AFF3: variants seen among roughly 807,000 people sequenced by gnomAD.
The protein encoded by AFF3 is AF4/FMR2 family member 3.
A neutral mutation model predicts 129.7 loss-of-function variants in AFF3; 32 were observed. That is an observed-to-expected ratio of 0.25 (90% confidence interval 0.19 to 0.33). AFF3 has a LOEUF of 0.33. Ranked by LOEUF, AFF3 falls within the 10% of genes least tolerant of loss-of-function variation. The probability of loss-of-function intolerance (pLI) is 1.00; values close to 1 mark genes in which losing one functional copy is unlikely to be tolerated. For synonymous variants in AFF3, 644 were observed against 635.4 expected (o/e 1.01, Z -0.20); for missense variants, 1,373 against 1,592.0 (o/e 0.86, Z 2.34).
intron 8 of AFF3, among the ~76,000 whole-genome samples, chr2:99,775,112 G>C (rs563189977): frequency 1.3e-5 from 2 of 152,320 alleles, no homozygotes; most frequent in East Asian, 3.9e-4. Context: ...ATGTCGTGGA[G>C]AAGAAGGAAT....
intron 7 of AFF3, among the ~76,000 whole-genome samples, chr2:99,840,241 C>T (rs1037583819): frequency 5.9e-5 from 9 of 152,110 alleles, no homozygotes; most frequent in African/African-American, 2.2e-4. Flanking sequence ...GAAACCATTG[C>T]TAAATTCAAG....
rs903672469 is a variant in AFF3 at position 99,891,065 on chromosome 2, T to C, written c.874-53541A>G. Among the ~76,000 whole-genome samples the C allele has an allele frequency of 2.4e-4, 37 of 152,112 alleles. 1 individual carries two copies. The highest frequency in any genetic ancestry group is 2.4e-3 in the Admixed American group (37 of 15,272). On this transcript the variant is annotated intron_variant, in intron 7 of 24. Transcript: ENST00000672756. Reference sequence around the variant, plus strand: ...CACACAGGGAAGCACCAAGGTCAGCTGGGAGGTAGAGGGAGCCAGGGAGAA... The same window carrying C: ...CACACAGGGAAGCACCAAGGTCAGCCGGGAGGTAGAGGGAGCCAGGGAGAA...
At chr2:99,574,433 C>T (rs926095646) in intron 18 of AFF3, among the ~76,000 whole-genome samples, 1 of 152,120 alleles carries the variant, frequency 6.6e-6, no homozygotes, top group Admixed American at 6.5e-5. Flanking sequence ...GGATTACAGG[C>T]ACATGCTAAC....
At chr2:99,661,777 T>C (rs1465649624) in intron 12 of AFF3, among the ~76,000 whole-genome samples, 1 of 152,232 alleles carries the variant, frequency 6.6e-6, no homozygotes, top group Non-Finnish European at 1.5e-5. Flanking sequence ...CAAATGTTTA[T>C]AAAGAGTGGC....
At chr2:99,993,621 C>G (rs1680558250) in intron 7 of AFF3, among the ~76,000 whole-genome samples, 1 of 151,364 alleles carries the variant, frequency 6.6e-6, no homozygotes, top group Admixed American at 6.6e-5. Flanking sequence ...CTTCAAAATA[C>G]AAGAAAGGCT....
chr2:99,765,263 AT>A (rs1682915095), intron 8 of AFF3, among the ~76,000 whole-genome samples: 1 of 152,228 alleles, frequency 6.6e-6, no homozygotes, highest in African/African-American at 2.4e-5. Flanking sequence ...AAATGGCATT[AT>A]TTGGGACAGA....
intron 22 of AFF3, among the ~76,000 whole-genome samples, chr2:99,556,318 G>A (rs1054766541): frequency 2.6e-5 from 4 of 152,168 alleles, no homozygotes; most frequent in African/African-American, 7.2e-5. Flanking sequence ...GGTGGCACAC[G>A]CCTGTAATCC....
chr2:100,099,249 G>A (rs1179058913), intron 4 of AFF3, among the ~76,000 whole-genome samples: 1 of 151,710 alleles, frequency 6.6e-6, no homozygotes, highest in Non-Finnish European at 1.5e-5. Flanking sequence ...GCAGCTGGAG[G>A]AAAGGGTTAG....
intron 12 of AFF3, among the ~76,000 whole-genome samples, chr2:99,664,640 A>C (rs1686522304): frequency 6.6e-6 from 1 of 152,214 alleles, no homozygotes; most frequent in Non-Finnish European, 1.5e-5. Context: ...AACTCATTTG[A>C]AAAATCATAG....
intron 15 of AFF3, among the ~76,000 whole-genome samples, chr2:99,588,988 A>G (rs772154286): frequency 1.3e-5 from 2 of 152,252 alleles, no homozygotes; most frequent in African/African-American, 2.4e-5. Context: ...AAAAATGGCC[A>G]TAAGTAATAC....
chr2:100,105,621 G>C, intron 2 of AFF3, 38 bp from the exon 3 acceptor site: 1 of 1,338,358 alleles, frequency 7.5e-7, no homozygotes, highest in Non-Finnish European at 9.9e-7. Flanking sequence ...GGCTCCTAAA[G>C]AGTAATAATA....
chr2:99,814,117 G>A (rs367618029), intron 8 of AFF3, among the ~76,000 whole-genome samples: 4 of 152,178 alleles, frequency 2.6e-5, no homozygotes, highest in African/African-American at 9.6e-5. Flanking sequence ...AACTTTCTTG[G>A]GGGAAAGTTG....
chr2:99,903,749 C>G (rs1466618562), intron 7 of AFF3, among the ~76,000 whole-genome samples: 1 of 152,048 alleles, frequency 6.6e-6, no homozygotes, highest in Non-Finnish European at 1.5e-5. Context: ...TACTAGACAC[C>G]CTATAGGCTT....
chr2:99,688,828 T>G (rs1262615143), intron 11 of AFF3, among the ~76,000 whole-genome samples: 1 of 152,172 alleles, frequency 6.6e-6, no homozygotes, highest in Non-Finnish European at 1.5e-5. Flanking sequence ...GCTCATATTT[T>G]ATCTCACGGG....
intron 2 of AFF3, among the ~76,000 whole-genome samples, chr2:100,126,128 T>C (rs954732407): frequency 2.3e-4 from 35 of 152,198 alleles, no homozygotes; most frequent in African/African-American, 8.0e-4. Context: ...CCTGTGCTTA[T>C]TGCATGAGGC....
chr2:99,982,633 C>T (rs1187639602), intron 7 of AFF3, among the ~76,000 whole-genome samples: 1 of 152,210 alleles, frequency 6.6e-6, no homozygotes, highest in Non-Finnish European at 1.5e-5. Context: ...GGCATGCTCA[C>T]TACTGGAAAC....
intron 4 of AFF3, among the ~76,000 whole-genome samples, chr2:100,058,959 G>A (rs1412184447): frequency 1.3e-5 from 2 of 152,156 alleles, no homozygotes; most frequent in South Asian, 4.2e-4. Flanking sequence ...TTTAAAATGA[G>A]CAAACATTCT....
At chr2:99,941,217 G>A (rs1675010559) in intron 7 of AFF3, among the ~76,000 whole-genome samples, 1 of 152,132 alleles carries the variant, frequency 6.6e-6, no homozygotes, top group Non-Finnish European at 1.5e-5. Context: ...GAGTTTCTCT[G>A]GCAAACAGTC....
intron 7 of AFF3, among the ~76,000 whole-genome samples, chr2:99,914,720 C>CCTGGCCAAAA (rs1441499638): frequency 6.6e-5 from 10 of 151,692 alleles, no homozygotes; most frequent in African/African-American, 2.4e-4. Flanking sequence ...TTGAAACCAG[C>CCTGGCCAAAA]CTGGCCAAAA....
Sources: gnomAD v4.1 joint callset for allele counts (sites outside exome capture counted in the v4.1 genomes callset) on GRCh38, gnomAD v4.1.1 for gene constraint, MANE v1.5 for transcripts, NCBI Gene and HGNC (gene_info 2026-07-23, HGNC 2026-07-21) for gene names.